BICRA: variants seen among roughly 807,000 people sequenced by gnomAD.
The protein encoded by BICRA is BRD4 interacting chromatin remodeling complex associated protein.
A neutral mutation model predicts 96.9 loss-of-function variants in BICRA; 31 were observed. The observed-to-expected ratio is 0.32, with a 90% CI of 0.24 to 0.43. The LOEUF is 0.43. Among genes scored for constraint, BICRA ranks in the 20% least tolerant of loss-of-function variants. The pLI is 1.00. For synonymous variants in BICRA, 1,350 were observed against 1,071.8 expected, an observed-to-expected ratio of 1.26 and a Z score of -5.07; for missense variants, 2,283 against 2,190.3, an observed-to-expected ratio of 1.04 and a Z score of -0.84.
At position 47,702,012 on chromosome 19, in the gene BICRA, G is replaced by A. The variant is rs1973463860; in HGVS notation, c.4280G>A (p.Gly1427Glu). The part of the protein sequence containing the change: ...LPAKVDEATS[G>E]LIRELAAVED... ...GCCAAAGTGGACGAGGCCACCAGCG[G>A]GCTCATCCGCGAGCTGGCGGCCGTG... Residue 1427 changes from glycine to glutamate, a missense_variant, in exon 15 of 15, where the codon GGG becomes GAG. Physicochemically the swap from Gly to Glu is moderately conservative, Grantham distance 98. Transcript: ENST00000594866. The A allele has an allele frequency of 6.7e-7, 1 of 1,489,246 alleles. No individual in the cohort carries two copies. Among genetic ancestry groups the A allele is most frequent in the Non-Finnish European group, 8.9e-7 (1 of 1,128,544 alleles). 92.3% of individuals were successfully genotyped at this position (1,489,246 alleles called of 1,614,324 possible). A position where few individuals can be genotyped will look rare whatever the true frequency, so the allele number is the denominator to read the frequency against.
chr19:47,656,546 T>A (rs1170787731), intron 1 of BICRA, among the ~76,000 whole-genome samples: 2 of 152,216 alleles, frequency 1.3e-5, no homozygotes, highest in Non-Finnish European at 2.9e-5. Flanking sequence ...AGTCACTTTT[T>A]AGATTCTGTA....
intron 8 of BICRA, 85 bp downstream of exon 8, chr19:47,694,811 C>T (rs1671809998): frequency 3.5e-6 from 4 of 1,144,780 alleles, no homozygotes; most frequent in Non-Finnish European, 5.0e-6. Context: ...CGCCTTACGG[C>T]TCTGTGATCC....
chr19:47,642,856 C>T (rs544109775), intron 1 of BICRA, among the ~76,000 whole-genome samples: 3 of 152,340 alleles, frequency 2.0e-5, no homozygotes, highest in East Asian at 1.9e-4. Context: ...GACGTTCTAA[C>T]GGGTATGTAG....
chr19:47,678,082 C>G (rs1187899042), intron 5 of BICRA, among the ~76,000 whole-genome samples: 4 of 152,144 alleles, frequency 2.6e-5, no homozygotes, highest in Non-Finnish European at 5.9e-5. Flanking sequence ...GCCTATATCA[C>G]TATTTAAACA....
At chr19:47,647,619 A>G (rs1319758597) in intron 1 of BICRA, among the ~76,000 whole-genome samples, 3 of 151,860 alleles carry the variant, frequency 2.0e-5, no homozygotes, top group African/African-American at 7.3e-5. Flanking sequence ...TCTCCTTGGC[A>G]CGTGTGTGTG....
rs1342212329 is a variant in BICRA, at chr19:47,702,315, C to T, written c.4583C>T (p.Ser1528Leu). 1.3e-6 allele frequency: 2 copies of T among 1,568,674 alleles called. No homozygotes were observed. The highest frequency in any genetic ancestry group is 1.4e-5 in the African/African-American group (1 of 72,636). The change falls in exon 15 of 15, where the codon TCG (serine) becomes TTG (leucine). Residue 1528 changes from serine to leucine, a missense_variant. Transcript: ENST00000594866. ...GCGCCCTCGTACCCCCACGCTGCCTCGGCCGGCACCCCCGCATCCCCGCCG... is the reference window on the plus strand; with the variant it reads ...GCGCCCTCGTACCCCCACGCTGCCTTGGCCGGCACCCCCGCATCCCCGCCG... ...TPAPSYPHAA[S>L]AGTPASPPPL... is the part of the protein sequence containing the mutation.
intron 7 of BICRA, among the ~76,000 whole-genome samples, chr19:47,686,798 C>T (rs973840044): frequency 9.9e-5 from 15 of 152,090 alleles, no homozygotes; most frequent in African/African-American, 3.4e-4. Context: ...TGCAAGCTAC[C>T]ATCTGGGAAG....
intron 1 of BICRA, among the ~76,000 whole-genome samples, chr19:47,659,633 T>C (rs1180365151): frequency 6.6e-6 from 1 of 151,828 alleles, no homozygotes; most frequent in African/African-American, 2.4e-5. Context: ...TGCCCCTTTG[T>C]CTGGATTCCT....
rs8112605 is a variant in BICRA at position 47,683,670 on chromosome 19, C to T, written c.2283+1518C>T. On this transcript the variant is annotated intron_variant, in intron 7 of 14. Coordinates refer to ENST00000594866, the MANE Select transcript of BICRA (RefSeq NM_001394372.1). ...CGCGATCTCTGCTCACTGCAAGCTC[C>T]GCCTCTCGGGTTCACGCCATTCTCC... is the stretch of plus-strand genomic sequence containing the variant. Among the ~76,000 whole-genome samples the T allele has an allele frequency of 2.5e-3, 379 of 151,996 alleles. 3 individuals are homozygous for T. Among genetic ancestry groups the T allele is most frequent in the African/African-American group, 8.5e-3 (354 of 41,454 alleles).
intron 11 of BICRA, among the ~76,000 whole-genome samples, chr19:47,697,666 C>T (rs532880845): frequency 6.6e-6 from 1 of 151,876 alleles, no homozygotes; most frequent in African/African-American, 2.4e-5. Flanking sequence ...TTAGTAGAGA[C>T]GGGGTTTCAT....
At chr19:47,648,381 G>T (rs1194711117) in intron 1 of BICRA, among the ~76,000 whole-genome samples, 1 of 151,876 alleles carries the variant, frequency 6.6e-6, no homozygotes, top group Non-Finnish European at 1.5e-5. Flanking sequence ...CCTCCTTCAG[G>T]AGTCCCAGTC....
rs1235878710 is a variant in BICRA at position 47,660,985 on chromosome 19, A to AGGTG, written c.-107-9457_-107-9456insGTGG. The stretch of plus-strand genomic sequence containing the variant: ...AGCACTTTGGGAGGCTGACGCGGGC[A>AGGTG]GATCACGAGGTCAAGAGATTGAGAC... On this transcript the variant is annotated intron_variant, in intron 1 of 14. Coordinates refer to ENST00000594866, the MANE Select transcript of BICRA (RefSeq NM_001394372.1). 7.1e-3 allele frequency among the ~76,000 whole-genome samples: 1,081 copies of AGGTG among 152,190 alleles called. 20 individuals carry two copies. Among genetic ancestry groups the AGGTG allele is most frequent in the African/African-American group, 0.024 (1,008 of 41,520 alleles).
chr19:47,666,589 T>C (rs909597295), intron 1 of BICRA, among the ~76,000 whole-genome samples: 1 of 151,934 alleles, frequency 6.6e-6, no homozygotes, highest in African/African-American at 2.4e-5. Context: ...CTTTTCTTTT[T>C]GAAATGGAGT....
chr19:47,666,834 T>A lies in BICRA; in HGVS notation c.-107-3609T>A, dbSNP rs1249961281. 3.3e-5 allele frequency among the ~76,000 whole-genome samples: 5 copies of A among 151,850 alleles called. No homozygotes were observed. In the East Asian group the frequency reaches 9.7e-4, roughly 29 times the overall value. On this transcript the variant is annotated intron_variant, in intron 1 of 14. Transcript: ENST00000594866. ...AGCCATCCTCCTGCCTCAGCTTCCC[T>A]GCCTTGGCTGGGATTACAGGTGTGA...
intron 1 of BICRA, among the ~76,000 whole-genome samples, chr19:47,614,323 T>TA (rs1391316257): frequency 1.3e-5 from 2 of 152,002 alleles, no homozygotes; most frequent in Non-Finnish European, 2.9e-5. Flanking sequence ...GTTATGTGTT[T>TA]AAAACTATTC....
chr19:47,689,450 G>A (rs983834512), intron 7 of BICRA, among the ~76,000 whole-genome samples: 3 of 151,872 alleles, frequency 2.0e-5, no homozygotes, highest in African/African-American at 4.8e-5. Flanking sequence ...TCTCTCTGTC[G>A]CCCAGGCTGG....
At chr19:47,621,530 A>G (rs1332159715) in intron 1 of BICRA, among the ~76,000 whole-genome samples, 6 of 149,860 alleles carry the variant, frequency 4.0e-5, no homozygotes, top group Non-Finnish European at 7.4e-5. Flanking sequence ...CTGGAGTGCA[A>G]TGGTGCTATC....
At chr19:47,674,717 T>G (rs1972916096) in intron 4 of BICRA, among the ~76,000 whole-genome samples, 1 of 152,168 alleles carries the variant, frequency 6.6e-6, no homozygotes, top group Admixed American at 6.5e-5. Context: ...GCAGGAGGCC[T>G]CAGTTCCTCA....
At chr19:47,676,398 G>A (rs1356800234) in intron 5 of BICRA, among the ~76,000 whole-genome samples, 1 of 152,100 alleles carries the variant, frequency 6.6e-6, no homozygotes, top group Non-Finnish European at 1.5e-5. Flanking sequence ...GAAAAGCCCA[G>A]AGTGGCCAAT....
Sources: allele counts gnomAD v4.1 joint callset (sites outside exome capture counted in the v4.1 genomes callset), GRCh38; gene constraint gnomAD v4.1.1; transcripts MANE v1.5; gene names NCBI Gene and HGNC (gene_info 2026-07-23, HGNC 2026-07-21).